Variants in DPP10 observed in about 807,000 individuals in gnomAD.
DPP10 encodes dipeptidyl peptidase like 10.
DPP10 carries 33 observed loss-of-function variants against 120.9 expected under a neutral mutation model. The observed-to-expected ratio is 0.27, with a 90% confidence interval of 0.21 to 0.37. DPP10 has a LOEUF of 0.37. Among genes scored for constraint, DPP10 ranks in the 10% least tolerant of loss-of-function variants. The pLI is 1.00. For missense variants in DPP10, 816 were observed against 942.8 expected (o/e 0.87, Z 1.76); for synonymous variants, 337 against 326.1 (o/e 1.03, Z -0.36).
At chr2:115,788,607 C>T (rs974976178) in intron 17 of DPP10, among the ~76,000 whole-genome samples, 19 of 152,036 alleles carry the variant, frequency 1.2e-4, no homozygotes, top group Middle Eastern at 3.2e-3. Flanking sequence ...GAACATTATA[C>T]GTAATTTTTT....
intron 5 of DPP10, among the ~76,000 whole-genome samples, chr2:115,599,420 G>T (rs536115478): frequency 2.3e-4 from 35 of 152,184 alleles, no homozygotes; most frequent in African/African-American, 8.4e-4. Context: ...AGATTTTCAA[G>T]TTCACTGGCC....
chr2:114,781,580 T>C (rs1682330518), intron 1 of DPP10, among the ~76,000 whole-genome samples: 1 of 151,818 alleles, frequency 6.6e-6, no homozygotes. Flanking sequence ...CATCAAGAGT[T>C]ATGCTGAAAC....
intron 1 of DPP10, among the ~76,000 whole-genome samples, chr2:114,749,496 A>G (rs17043475): frequency 0.053 from 8,034 of 152,020 alleles, 294 homozygotes; most frequent in South Asian, 0.091. Context: ...AATGGTTAAA[A>G]ATTATTAGAT....
chr2:115,387,929 A>G (rs2067061119), intron 3 of DPP10, among the ~76,000 whole-genome samples: 1 of 152,222 alleles, frequency 6.6e-6, no homozygotes, highest in Non-Finnish European at 1.5e-5. Context: ...AGATGTGACA[A>G]TGGTAAATGT....
At chr2:115,384,573 AGAG>A (rs1354800561) in intron 3 of DPP10, among the ~76,000 whole-genome samples, 3 of 122,576 alleles carry the variant, frequency 2.4e-5, no homozygotes, top group African/African-American at 8.8e-5. Context: ...AAGAAGAAGA[AGAG>A]GAAGAGGAGG....
intron 5 of DPP10, among the ~76,000 whole-genome samples, chr2:115,527,929 G>A (rs984643130): frequency 6.6e-6 from 1 of 152,200 alleles, no homozygotes; most frequent in Non-Finnish European, 1.5e-5. Flanking sequence ...TAATGGTACA[G>A]CTACTTTGGA....
chr2:115,812,963 CTTTTTTTTTTTTTT>C (rs66478532), intron 19 of DPP10, among the ~76,000 whole-genome samples: 2 of 72,832 alleles, frequency 2.7e-5, no homozygotes, highest in African/African-American at 1.2e-4. Flanking sequence ...GACTGGATAT[CTTTTTTTTTTTTTT>C]TTTTTTTTTT....
At chr2:114,713,405 T>A (rs967502050) in intron 1 of DPP10, among the ~76,000 whole-genome samples, 9 of 152,206 alleles carry the variant, frequency 5.9e-5, no homozygotes, top group Non-Finnish European at 8.8e-5. Flanking sequence ...AGACAGACTG[T>A]TCTCCAGAAA....
chr2:114,801,283 A>G (rs1000853103), intron 1 of DPP10, among the ~76,000 whole-genome samples: 3 of 96,916 alleles, frequency 3.1e-5, no homozygotes. Flanking sequence ...AAAAAAAGAA[A>G]AAAAGAAAGA....
chr2:114,691,337 C>G (rs1012178042), intron 1 of DPP10, among the ~76,000 whole-genome samples: 1 of 152,004 alleles, frequency 6.6e-6, no homozygotes. Context: ...TGGTTTTTGT[C>G]TATAGTTCTG....
chr2:114,654,264 G>T (rs2105504425), intron 1 of DPP10, among the ~76,000 whole-genome samples: 1 of 152,248 alleles, frequency 6.6e-6, no homozygotes, highest in South Asian at 2.1e-4. Context: ...TGACAGGTGA[G>T]CAATCTGAGG....
intron 3 of DPP10, among the ~76,000 whole-genome samples, chr2:115,347,089 C>G (rs2063746638): frequency 6.6e-6 from 1 of 152,052 alleles, no homozygotes. Flanking sequence ...AAAAGCATAA[C>G]AAATTTATTT....
chr2:115,243,953 A>T (rs1446526661), intron 1 of DPP10, among the ~76,000 whole-genome samples: 1 of 151,418 alleles, frequency 6.6e-6, no homozygotes, highest in East Asian at 1.9e-4. Context: ...TACTTATAAA[A>T]TTTTTCTTGT....
intron 5 of DPP10, among the ~76,000 whole-genome samples, chr2:115,532,469 A>C (rs2078529642): frequency 6.6e-6 from 1 of 152,062 alleles, no homozygotes; most frequent in African/African-American, 2.4e-5. Context: ...ACTAATTCCT[A>C]ATTAATTAAT....
At chr2:115,305,757 T>TA (rs1018370812) in intron 1 of DPP10, among the ~76,000 whole-genome samples, 75 of 148,946 alleles carry the variant, frequency 5.0e-4, no homozygotes, top group African/African-American at 1.3e-3. Context: ...TTTTTTAAAT[T>TA]AAAAAAAAAA....
chr2:115,830,118 G>A (rs1575925389), intron 21 of DPP10, among the ~76,000 whole-genome samples: 1 of 152,062 alleles, frequency 6.6e-6, no homozygotes, highest in South Asian at 2.1e-4. Context: ...CACTTTGGGA[G>A]GCCAAGGTGG....
At chr2:114,587,316 A>G (rs1183590593) in intron 1 of DPP10, among the ~76,000 whole-genome samples, 1 of 151,638 alleles carries the variant, frequency 6.6e-6, no homozygotes, top group Non-Finnish European at 1.5e-5. Context: ...AAAAAAAAAA[A>G]AAAAATACAC....
chr2:114,646,988 A>AGTT (rs1463709291), intron 1 of DPP10, among the ~76,000 whole-genome samples: 2 of 152,244 alleles, frequency 1.3e-5, no homozygotes, highest in African/African-American at 4.8e-5. Context: ...TCCCATGGAC[A>AGTT]GTTAGTCACA....
intron 1 of DPP10, among the ~76,000 whole-genome samples, chr2:114,959,253 A>G (rs886841242): frequency 1.3e-5 from 2 of 152,204 alleles, no homozygotes; most frequent in Admixed American, 1.3e-4. Flanking sequence ...AGTTTTAAGT[A>G]TATTCACAAT....
Sources: gnomAD v4.1 joint callset for allele counts (sites outside exome capture counted in the v4.1 genomes callset) on GRCh38, gnomAD v4.1.1 for gene constraint, MANE v1.5 for transcripts, NCBI Gene and HGNC (gene_info 2026-07-23, HGNC 2026-07-21) for gene names.